PDE10A: variants seen among roughly 807,000 people sequenced by gnomAD.
PDE10A encodes phosphodiesterase 10A.
In PDE10A, 39 loss-of-function variants were observed where a neutral mutation model predicts 97.7. The observed-to-expected ratio is 0.40, with a 90% CI of 0.31 to 0.52. The LOEUF is 0.52. PDE10A is among the 20% of genes least tolerant of loss of function. The pLI is 0.56. For missense variants in PDE10A, 731 were observed against 1,047.8 expected (o/e 0.70, Z 4.17); for synonymous variants, 371 against 376.8 (o/e 0.98, Z 0.18).
chr6:165,717,365 G>A (rs571952386), intron 1 of PDE10A, among the ~76,000 whole-genome samples: 1 of 152,266 alleles, frequency 6.6e-6, no homozygotes, highest in African/African-American at 2.4e-5. Context: ...CAAAGTGGGT[G>A]GATCACCTGA....
At chr6:165,558,481 C>T (rs1714464189) in intron 1 of PDE10A, among the ~76,000 whole-genome samples, 1 of 152,068 alleles carries the variant, frequency 6.6e-6, no homozygotes. Flanking sequence ...GGAGGGATAG[C>T]ATGATATTCA....
At chr6:165,957,790 T>C (rs1419395921) in intron 1 of PDE10A, among the ~76,000 whole-genome samples, 1 of 152,182 alleles carries the variant, frequency 6.6e-6, no homozygotes, top group African/African-American at 2.4e-5. Flanking sequence ...TGTTCAGACA[T>C]GAATAATAAT....
Position 165,691,106 on chromosome 6 carries a change from T to TCTCTCTCTCTCTCTC in PDE10A, c.-614-147539_-614-147538insGAGAGAGAGAGAGAG, listed in dbSNP as rs143783728. Among the ~76,000 whole-genome samples, 22 of 39,128 alleles carry TCTCTCTCTCTCTCTC rather than the reference T, an allele frequency of 5.6e-4. 5 individuals are homozygous for TCTCTCTCTCTCTCTC. The East Asian group carries it at 6.7e-3, about 12-fold the overall frequency. The allele number at this position is 39,128 out of a possible 152,430, so 25.7% of individuals were successfully genotyped here. On this transcript the variant is annotated intron_variant, in intron 1 of 19. Coordinates refer to the PDE10A transcript ENST00000366882. ...CTCTCTCTCTCTCTCTCTTTCTCTCTCCCCCCCCCCATCAGTGCCTGTGGT... is the reference window on the plus strand; with the variant it reads ...CTCTCTCTCTCTCTCTCTTTCTCTCTCTCTCTCTCTCTCTCCCCCCCCCCCATCAGTGCCTGTGGT...
chr6:165,416,494 T>C (rs1788323269), intron 11 of PDE10A, among the ~76,000 whole-genome samples: 1 of 152,214 alleles, frequency 6.6e-6, no homozygotes, highest in African/African-American at 2.4e-5. Flanking sequence ...AACCTTAAAA[T>C]ATTAACTCAC....
intron 2 of PDE10A, among the ~76,000 whole-genome samples, chr6:165,507,099 TTC>T (rs1251168649): frequency 6.6e-6 from 1 of 152,108 alleles, no homozygotes; most frequent in African/African-American, 2.4e-5. Flanking sequence ...AGGTTTTTAT[TTC>T]TGTTTCCCTA....
rs183067074 is a variant in PDE10A at position 165,362,481 on chromosome 6, G to C, written c.2783+16713C>G. Among the ~76,000 whole-genome samples the C allele has an allele frequency of 3.8e-3, 574 of 152,268 alleles. 2 individuals carry two copies. Among genetic ancestry groups the C allele is most frequent in the Non-Finnish European group, 4.8e-3 (328 of 68,006 alleles). ...TTAGTTGAAAATGGACAAATTTCTA[G>C]AAAGACACAAGTGACTAAATATGAC... On this transcript the variant is annotated intron_variant, in intron 18 of 21. Coordinates refer to ENST00000539869, the MANE Select transcript of PDE10A (RefSeq NM_001385079.1).
intron 1 of PDE10A, among the ~76,000 whole-genome samples, chr6:165,878,806 G>A (rs549623411): frequency 1.5e-3 from 234 of 152,284 alleles, no homozygotes; most frequent in African/African-American, 5.4e-3. Context: ...GGAGGCAGAC[G>A]TCAGAGTGAT....
chr6:165,506,087 TC>T (rs1276335197), intron 2 of PDE10A, among the ~76,000 whole-genome samples: 5 of 152,136 alleles, frequency 3.3e-5, no homozygotes, highest in African/African-American at 1.2e-4. Flanking sequence ...CCCGCTTTTT[TC>T]CATTCCCATA....
chr6:165,467,631 A>G (rs1778735132), intron 3 of PDE10A, among the ~76,000 whole-genome samples: 2 of 152,192 alleles, frequency 1.3e-5, no homozygotes. Context: ...TACTGCTCCA[A>G]AAAAAATTCC....
chr6:165,771,655 A>T (rs1460159955), intron 1 of PDE10A, among the ~76,000 whole-genome samples: 1 of 28,542 alleles, frequency 3.5e-5, no homozygotes, highest in Non-Finnish European at 6.7e-5. Flanking sequence ...TTAACAAGAT[A>T]AAAAAAAAAA....
intron 1 of PDE10A, among the ~76,000 whole-genome samples, chr6:165,841,292 A>T (rs1780250830): frequency 6.6e-6 from 1 of 152,180 alleles, no homozygotes; most frequent in Non-Finnish European, 1.5e-5. Flanking sequence ...CTGGGTACCC[A>T]CTTCGCCACA....
intron 1 of PDE10A, among the ~76,000 whole-genome samples, chr6:165,941,519 A>G (rs1011806723): frequency 6.6e-6 from 1 of 152,204 alleles, no homozygotes; most frequent in South Asian, 2.1e-4. Context: ...AATCTGCAAC[A>G]TCCCGGTGGG....
At chr6:165,348,564 TCAGTGCAGAAATCAAG>T (rs1355670733) in intron 18 of PDE10A, among the ~76,000 whole-genome samples, 4 of 152,212 alleles carry the variant, frequency 2.6e-5, no homozygotes, top group African/African-American at 7.2e-5. Context: ...AAGGGAAATT[TCAGTGCAGAAATCAAG>T]CAGTTCACAG....
chr6:165,818,668 T>C (rs1043626020), intron 1 of PDE10A, among the ~76,000 whole-genome samples: 1 of 152,202 alleles, frequency 6.6e-6, no homozygotes, highest in African/African-American at 2.4e-5. Context: ...TTATGAATGG[T>C]TATCACAGAC....
chr6:165,562,546 G>C (rs1256161016), intron 1 of PDE10A, among the ~76,000 whole-genome samples: 1 of 151,138 alleles, frequency 6.6e-6, no homozygotes, highest in East Asian at 1.9e-4. Context: ...ATTTTTTTTT[G>C]TTTAGCATCT....
intron 1 of PDE10A, among the ~76,000 whole-genome samples, chr6:165,577,753 C>T (rs765198790): frequency 3.3e-5 from 5 of 152,180 alleles, no homozygotes; most frequent in East Asian, 3.9e-4. Context: ...TGGCACATGA[C>T]GGGTGGGCAC....
intron 1 of PDE10A, among the ~76,000 whole-genome samples, chr6:165,678,061 G>A (rs1790853575): frequency 6.6e-6 from 1 of 150,522 alleles, no homozygotes. Flanking sequence ...GTGTGTTTGT[G>A]TATGTGTGTT....
chr6:165,777,065 T>A (rs1006970926), intron 1 of PDE10A, among the ~76,000 whole-genome samples: 1 of 152,210 alleles, frequency 6.6e-6, no homozygotes, highest in African/African-American at 2.4e-5. Context: ...CCTGCTTCCC[T>A]GCGATCTTCA....
Position 165,819,603 on chromosome 6 carries a change from A to G in PDE10A, c.-615+167926T>C. Among the ~76,000 whole-genome samples the G allele has an allele frequency of 1.3e-5, 2 of 152,112 alleles. 1 individual carries two copies. Among genetic ancestry groups the G allele is most frequent in the South Asian group, 4.1e-4 (2 of 4,822 alleles). On this transcript the variant is annotated intron_variant, in intron 1 of 19. Transcript: ENST00000366882. This position sits in a 1 kb window ranked among gnomAD's most constrained non-coding sequence, Gnocchi z 4.2. Reference sequence around the variant, plus strand: ...CGACCCCCACCCCGAGTTGCCGGACACAGTCAGGCAGAGCCGGTTGCTCCT... The same window carrying G: ...CGACCCCCACCCCGAGTTGCCGGACGCAGTCAGGCAGAGCCGGTTGCTCCT...
Sources: gnomAD v4.1 joint callset for allele counts (sites outside exome capture counted in the v4.1 genomes callset) on GRCh38, gnomAD v4.1.1 for gene constraint, Gnocchi (gnomAD v3.1) non-coding constraint, MANE v1.5 for transcripts, NCBI Gene and HGNC (gene_info 2026-07-23, HGNC 2026-07-21) for gene names.